RBMS3: variants seen among roughly 807,000 people sequenced by gnomAD.
The protein encoded by RBMS3 is RNA-binding motif, single-stranded-interacting protein 3.
A neutral mutation model predicts 66.8 loss-of-function variants in RBMS3; 27 were observed. The ratio of observed to expected loss-of-function variants is 0.40; its 90% CI spans 0.30 to 0.56. RBMS3 has a LOEUF of 0.56. RBMS3 is among the 20% of genes least tolerant of loss of function. RBMS3 has a pLI of 0.40. For synonymous variants in RBMS3, 188 were observed against 183.0 expected (o/e 1.03, Z -0.22); for missense variants, 513 against 549.5 (o/e 0.93, Z 0.66).
chr3:29,869,795 T>C (rs940174242), intron 7 of RBMS3, among the ~76,000 whole-genome samples: 2 of 152,206 alleles, frequency 1.3e-5, no homozygotes, highest in African/African-American at 4.8e-5. Context: ...AGGCCATACT[T>C]TCAAGAGAAG....
In RBMS3 at chr3:29,427,788, G is replaced by T. The variant is rs375156447; in HGVS notation, c.76-6955G>T. On this transcript the variant is annotated intron_variant, in intron 1 of 14. Coordinates refer to ENST00000383767, the MANE Select transcript of RBMS3 (RefSeq NM_001003793.3). ...ACAGACTGCTGTGTGATGGAGTCCA[G>T]AGCTACTCCAAAACCACCAGACCAA... 2.2e-4 allele frequency among the ~76,000 whole-genome samples: 33 copies of T among 152,174 alleles called. No individual in the cohort carries two copies. The East Asian group carries it at 4.7e-3, about 21-fold the overall frequency.
chr3:29,768,164 A>G (rs895909668), intron 6 of RBMS3, among the ~76,000 whole-genome samples: 4 of 151,962 alleles, frequency 2.6e-5, no homozygotes, highest in Non-Finnish European at 4.4e-5. Flanking sequence ...GATTATTTCT[A>G]TGCATCAAAC....
intron 4 of RBMS3, among the ~76,000 whole-genome samples, chr3:29,688,456 TGGAAGAGGGTAG>T (rs2051830339): frequency 6.6e-6 from 1 of 152,048 alleles, no homozygotes; most frequent in Non-Finnish European, 1.5e-5. Context: ...CACATCTTTC[TGGAAGAGGGTAG>T]ATCCCACATT....
At chr3:29,355,014 ACAG>A (rs1416564220) in intron 1 of RBMS3, among the ~76,000 whole-genome samples, 1 of 152,136 alleles carries the variant, frequency 6.6e-6, no homozygotes, top group Non-Finnish European at 1.5e-5. Context: ...TGACAATTAA[ACAG>A]CTAGAAAGTG....
chr3:29,767,417 T>C (rs1047221995), intron 6 of RBMS3: 1 of 150,444 alleles, frequency 6.6e-6, no homozygotes, highest in Non-Finnish European at 1.5e-5. Context: ...TTGTTTCTAA[T>C]CTTAATTGAA....
chr3:29,297,693 T>C (rs918355941), intron 1 of RBMS3, among the ~76,000 whole-genome samples: 3 of 151,864 alleles, frequency 2.0e-5, no homozygotes, highest in Non-Finnish European at 4.4e-5. Flanking sequence ...GGTTCTTACA[T>C]TGCTATATTT....
At chr3:29,731,941 C>A (rs1283814331) in intron 4 of RBMS3, among the ~76,000 whole-genome samples, 1 of 151,618 alleles carries the variant, frequency 6.6e-6, no homozygotes, top group Non-Finnish European at 1.5e-5. Flanking sequence ...ATTTCCCTCT[C>A]TCCCCATCTC....
intron 2 of RBMS3, among the ~76,000 whole-genome samples, chr3:29,436,106 A>G (rs1438637811): frequency 6.6e-6 from 1 of 152,240 alleles, no homozygotes; most frequent in Non-Finnish European, 1.5e-5. Context: ...TTAAAAAACT[A>G]TTACTCAATT....
intron 10 of RBMS3, among the ~76,000 whole-genome samples, chr3:29,932,803 T>C (rs1021597275): frequency 9.2e-5 from 14 of 152,302 alleles, no homozygotes; most frequent in African/African-American, 3.4e-4. Context: ...TTAGGTCAGA[T>C]ATATTTACGC....
chr3:29,340,633 A>G (rs2036229028), intron 1 of RBMS3, among the ~76,000 whole-genome samples: 1 of 152,174 alleles, frequency 6.6e-6, no homozygotes, highest in African/African-American at 2.4e-5. Context: ...TCCTTAGAAG[A>G]GAGGAATACC....
At chr3:29,606,926 G>A (rs1428487722) in intron 4 of RBMS3, among the ~76,000 whole-genome samples, 1 of 151,788 alleles carries the variant, frequency 6.6e-6, no homozygotes, top group Middle Eastern at 3.2e-3. Flanking sequence ...CTCATGTAAA[G>A]CATTCTATAA....
At chr3:29,333,009 T>A (rs975333418) in intron 1 of RBMS3, among the ~76,000 whole-genome samples, 2 of 152,068 alleles carry the variant, frequency 1.3e-5, no homozygotes, top group Admixed American at 6.6e-5. Context: ...TATAGAAAAA[T>A]TTCAGTAACA....
chr3:29,756,861 G>A (rs1273721455), intron 5 of RBMS3, among the ~76,000 whole-genome samples: 1 of 152,190 alleles, frequency 6.6e-6, no homozygotes, highest in East Asian at 1.9e-4. Flanking sequence ...CAGGGAAGGA[G>A]TGTGTAGCTT....
In RBMS3 at chr3:29,775,265, A is replaced by AT. The variant is rs10576860; in HGVS notation, c.637+12288dup. Among the ~76,000 whole-genome samples, 167 of 146,984 alleles carry AT rather than the reference A, an allele frequency of 1.1e-3. 1 individual carries two copies. Among genetic ancestry groups the AT allele is most frequent in the East Asian group, 5.8e-3 (29 of 5,040 alleles). ...TTTTTTATTTTTTTATTTTTTATTT[A>AT]TTTTTTTTTTTTGGTAAACAAGCAT... On this transcript the variant is annotated intron_variant, in intron 6 of 14. Coordinates refer to ENST00000383767, the MANE Select transcript of RBMS3 (RefSeq NM_001003793.3).
intron 1 of RBMS3, among the ~76,000 whole-genome samples, chr3:29,368,098 G>T (rs9861161): frequency 6.6e-6 from 1 of 151,922 alleles, no homozygotes; most frequent in Admixed American, 6.6e-5. Flanking sequence ...TGTAAAATGT[G>T]TCTTTGTATA....
intron 6 of RBMS3, among the ~76,000 whole-genome samples, chr3:29,848,009 G>A (rs2058832254): frequency 6.6e-6 from 1 of 152,182 alleles, no homozygotes; most frequent in Non-Finnish European, 1.5e-5. Context: ...TGTATTTTGT[G>A]TAGGGCTGGA....
At chr3:29,560,591 C>T (rs936665674) in intron 3 of RBMS3, among the ~76,000 whole-genome samples, 6 of 152,114 alleles carry the variant, frequency 3.9e-5, no homozygotes, top group East Asian at 3.9e-4. Flanking sequence ...CCCGCAACAC[C>T]GCATATACAG....
intron 10 of RBMS3, among the ~76,000 whole-genome samples, chr3:29,904,053 G>A (rs567054670): frequency 1.1e-4 from 17 of 152,026 alleles, no homozygotes; most frequent in African/African-American, 4.1e-4. Context: ...TTTTGTAGGT[G>A]TGTGTTTTGA....
At chr3:29,764,711 A>G (rs868611795) in intron 6 of RBMS3, among the ~76,000 whole-genome samples, 1 of 152,074 alleles carries the variant, frequency 6.6e-6, no homozygotes, top group African/African-American at 2.4e-5. Context: ...GGTTTTCCCC[A>G]ATGAACATAT....
Sources: allele counts gnomAD v4.1 joint callset (sites outside exome capture counted in the v4.1 genomes callset), GRCh38; gene constraint gnomAD v4.1.1; transcripts MANE v1.5; gene names NCBI Gene and HGNC (gene_info 2026-07-23, HGNC 2026-07-21).